Variants in ETV6 observed in about 807,000 individuals in gnomAD.
ETV6 encodes the protein transcription factor ETV6.
Under a neutral mutation model 51.1 loss-of-function variants are expected in ETV6, and 16 were observed. The observed-to-expected ratio is 0.31, with a 90% CI of 0.21 to 0.48. ETV6 has a LOEUF of 0.48. ETV6 is among the 20% of genes least tolerant of loss of function. ETV6 has a pLI of 0.99. For missense variants in ETV6, 458 were observed against 594.8 expected, an observed-to-expected ratio of 0.77 and a Z score of 2.39; for synonymous variants, 240 against 224.1, an observed-to-expected ratio of 1.07 and a Z score of -0.64.
At chr12:11,741,429 T>C (rs1375644642) in intron 1 of ETV6, among the ~76,000 whole-genome samples, 1 of 152,004 alleles carries the variant, frequency 6.6e-6, no homozygotes, top group African/African-American at 2.4e-5. Flanking sequence ...AGGCCAAAAG[T>C]GGGGTGGGTT....
intron 1 of ETV6, among the ~76,000 whole-genome samples, chr12:11,741,961 A>G (rs1682345778): frequency 6.6e-6 from 1 of 152,218 alleles, no homozygotes; most frequent in Non-Finnish European, 1.5e-5. Flanking sequence ...ATTGTGTTTT[A>G]AAGTTTCTCC....
Position 11,650,105 on chromosome 12 carries a change from C to T in ETV6, c.-23C>T. On this transcript the variant is annotated 5_prime_UTR_variant, in exon 1 of 8. Coordinates refer to ENST00000396373, the MANE Select transcript of ETV6 (RefSeq NM_001987.5). Reference sequence around the variant, plus strand: ...GAAAGTGGAAAAAACCTGAGAACTTCCTGATCTCTCTCGCTGTGAGACATG... The same window carrying T: ...GAAAGTGGAAAAAACCTGAGAACTTTCTGATCTCTCTCGCTGTGAGACATG... 4 of 1,612,886 alleles carry T rather than the reference C, an allele frequency of 2.5e-6. No homozygotes were observed. The highest frequency in any genetic ancestry group is 3.4e-6 in the Non-Finnish European group (4 of 1,179,010).
intron 1 of ETV6, among the ~76,000 whole-genome samples, chr12:11,692,432 C>T (rs184826770): frequency 6.6e-6 from 1 of 152,232 alleles, no homozygotes; most frequent in African/African-American, 2.4e-5. Context: ...AGAAGACGGA[C>T]TACATATCTT....
At chr12:11,666,709 A>G (rs1329743287) in intron 1 of ETV6, among the ~76,000 whole-genome samples, 3 of 152,192 alleles carry the variant, frequency 2.0e-5, no homozygotes, top group African/African-American at 7.2e-5. Context: ...AGGATATGTG[A>G]AAACTTTTAG....
chr12:11,698,764 G>T (rs2724652), intron 1 of ETV6, among the ~76,000 whole-genome samples: 63,751 of 152,126 alleles, frequency 0.42, 15,875 homozygotes, highest in Non-Finnish European at 0.56. Context: ...TGGTTGCATT[G>T]AACAATATAA....
At position 11,687,302 on chromosome 12, in the gene ETV6, TC is replaced by T. The variant is rs561891665; in HGVS notation, c.33+37145del. On this transcript the variant is annotated intron_variant, in intron 1 of 7. Transcript: ENST00000396373. ...TTCAAACGATTCTCCTGCTTCAGCC[TC>T]CCAAGTAGCTGGGATTATAGGCACA... Among the ~76,000 whole-genome samples the T allele has an allele frequency of 1.1e-4, 15 of 137,008 alleles. No homozygotes were observed. The South Asian group carries it at 3.0e-3, about 28-fold the overall frequency. 89.9% of individuals were successfully genotyped at this position (137,008 alleles called of 152,430 possible).
chr12:11,855,736 C>T (rs970638543), intron 4 of ETV6, among the ~76,000 whole-genome samples: 2 of 152,168 alleles, frequency 1.3e-5, no homozygotes, highest in Non-Finnish European at 2.9e-5. Flanking sequence ...GCATTTCGTG[C>T]ACGCTCCCTG....
intron 1 of ETV6, among the ~76,000 whole-genome samples, chr12:11,682,408 G>A (rs935477626): frequency 3.9e-5 from 6 of 152,076 alleles, no homozygotes; most frequent in African/African-American, 1.4e-4. Context: ...ACTTTTAGAT[G>A]GGGTTGTTTT....
chr12:11,738,793 A>T (rs746024452), intron 1 of ETV6, among the ~76,000 whole-genome samples: 1 of 152,202 alleles, frequency 6.6e-6, no homozygotes, highest in East Asian at 1.9e-4. Flanking sequence ...GGTGCAAATG[A>T]TTCTTTGGAG....
At chr12:11,682,335 TC>T (rs1864546410) in intron 1 of ETV6, among the ~76,000 whole-genome samples, 1 of 152,240 alleles carries the variant, frequency 6.6e-6, no homozygotes, top group African/African-American at 2.4e-5. Flanking sequence ...GAGCTTTTTT[TC>T]GTATGTTTGT....
chr12:11,833,216 T>C (rs1304743727), intron 2 of ETV6, among the ~76,000 whole-genome samples: 1 of 152,236 alleles, frequency 6.6e-6, no homozygotes, highest in African/African-American at 2.4e-5. Context: ...TGCCAGATAT[T>C]GGCCTGTGTG....
At chr12:11,778,173 T>C (rs914191922) in intron 2 of ETV6, among the ~76,000 whole-genome samples, 3 of 152,228 alleles carry the variant, frequency 2.0e-5, no homozygotes, top group Non-Finnish European at 4.4e-5. Flanking sequence ...AAAAGGGGAA[T>C]CACGATGCTT....
At chr12:11,724,310 GA>G (rs1268891089) in intron 1 of ETV6, among the ~76,000 whole-genome samples, 1 of 152,200 alleles carries the variant, frequency 6.6e-6, no homozygotes, top group Non-Finnish European at 1.5e-5. Context: ...CCAGAGAAAG[GA>G]GTATGGTTTG....
chr12:11,826,030 C>G (rs563245126), intron 2 of ETV6, among the ~76,000 whole-genome samples: 106 of 152,112 alleles, frequency 7.0e-4, no homozygotes, highest in Non-Finnish European at 1.3e-3. Flanking sequence ...AGATGGGGCT[C>G]TTGCTATGTT....
intron 3 of ETV6, among the ~76,000 whole-genome samples, chr12:11,844,971 A>G (rs972030459): frequency 2.6e-5 from 4 of 152,106 alleles, no homozygotes; most frequent in South Asian, 2.1e-4. Context: ...AGCTGGGACT[A>G]CAGGCGTGCG....
chr12:11,650,523 C>T (rs987751783), intron 1 of ETV6, among the ~76,000 whole-genome samples: 2 of 139,024 alleles, frequency 1.4e-5, no homozygotes, highest in Non-Finnish European at 3.1e-5. Context: ...AAACCTGCTC[C>T]CTATTCCTAC....
At chr12:11,814,100 A>G (rs1475670395) in intron 2 of ETV6, among the ~76,000 whole-genome samples, 3 of 152,180 alleles carry the variant, frequency 2.0e-5, no homozygotes, top group Non-Finnish European at 2.9e-5. Context: ...TAACTGGTAC[A>G]TTTTATATTT....
chr12:11,889,651 T>A (rs189764638), intron 7 of ETV6, among the ~76,000 whole-genome samples: 1 of 152,128 alleles, frequency 6.6e-6, no homozygotes, highest in Non-Finnish European at 1.5e-5. Context: ...TGGGAGAGCA[T>A]GCGCCATGAT....
chr12:11,843,782 C>G (rs778698760), intron 3 of ETV6, among the ~76,000 whole-genome samples: 1 of 152,100 alleles, frequency 6.6e-6, no homozygotes, highest in Non-Finnish European at 1.5e-5. Flanking sequence ...CCATTTTCAA[C>G]CCCTAGGATA....
Sources: gnomAD v4.1 joint callset for allele counts (sites outside exome capture counted in the v4.1 genomes callset) on GRCh38, gnomAD v4.1.1 for gene constraint, MANE v1.5 for transcripts, NCBI Gene and HGNC (gene_info 2026-07-23, HGNC 2026-07-21) for gene names.